The following ALK variants were observed in gnomAD, a reference collection of about 807,000 sequenced individuals.
ALK encodes the protein ALK tyrosine kinase receptor.
Under a neutral mutation model 163.1 loss-of-function variants are expected in ALK, and 74 were observed. The observed-to-expected ratio is 0.45, with a 90% confidence interval of 0.38 to 0.55. The LOEUF (loss-of-function observed/expected upper bound fraction) is 0.55, where lower values mean the gene tolerates loss of function less well. ALK is among the 20% of genes least tolerant of loss of function. The pLI is 0.00. For synonymous variants in ALK, 960 were observed against 843.2 expected (o/e 1.14, Z -2.40); for missense variants, 2,063 against 2,105.3 (o/e 0.98, Z 0.39).
At chr2:29,779,066 G>A (rs1373188679) in intron 1 of ALK, among the ~76,000 whole-genome samples, 4 of 152,170 alleles carry the variant, frequency 2.6e-5, no homozygotes, top group African/African-American at 9.6e-5. Flanking sequence ...TGAGGCAGGA[G>A]AATGGCAGGA....
intron 4 of ALK, among the ~76,000 whole-genome samples, chr2:29,487,808 C>G (rs1308371653): frequency 6.6e-6 from 1 of 152,094 alleles, no homozygotes; most frequent in Non-Finnish European, 1.5e-5. Context: ...GAGACAGAAC[C>G]AAGGCCATAG....
At chr2:29,395,878 C>G (rs186011356) in intron 4 of ALK, among the ~76,000 whole-genome samples, 1 of 152,350 alleles carries the variant, frequency 6.6e-6, no homozygotes, top group East Asian at 1.9e-4. Flanking sequence ...CATATTTCTA[C>G]ACAGCTATCT....
chr2:29,732,876 G>T (rs1295175738), intron 1 of ALK, among the ~76,000 whole-genome samples: 1 of 146,578 alleles, frequency 6.8e-6, no homozygotes, highest in African/African-American at 2.5e-5. Flanking sequence ...AACTTCTGTT[G>T]TTTTTAAGCT....
At chr2:29,797,415 T>C (rs1380118501) in intron 1 of ALK, among the ~76,000 whole-genome samples, 6 of 152,188 alleles carry the variant, frequency 3.9e-5, no homozygotes. Flanking sequence ...TGCACCCCAG[T>C]TATATTTGAT....
rs1172702963 is a variant in ALK, at chr2:29,705,240, AATAT to A, written c.788-10230_788-10227del. 4.5e-4 allele frequency among the ~76,000 whole-genome samples: 21 copies of A among 47,164 alleles called. 2 individuals carry two copies. In the East Asian group the frequency reaches 6.9e-3, roughly 16 times the overall value. 30.9% of individuals were successfully genotyped at this position (47,164 alleles called of 152,430 possible). ...CTCAACAAAAAAAGAAAAGAAAAGA[AATAT>A]ATATATATATATATATATATATATA... is the stretch of plus-strand genomic sequence containing the variant. On this transcript the variant is annotated intron_variant, in intron 2 of 28. Coordinates refer to ENST00000389048, the MANE Select transcript of ALK (RefSeq NM_004304.5).
intron 1 of ALK, among the ~76,000 whole-genome samples, chr2:29,830,438 G>A (rs192223796): frequency 2.0e-4 from 30 of 152,200 alleles, no homozygotes; most frequent in South Asian, 6.2e-4. Context: ...AAGTAGATAT[G>A]GAGCTTTCAA....
chr2:29,873,291 A>G (rs1487491391), intron 1 of ALK, among the ~76,000 whole-genome samples: 4 of 152,180 alleles, frequency 2.6e-5, no homozygotes, highest in African/African-American at 9.7e-5. Flanking sequence ...ACTCCCAAAT[A>G]CCATATCCAG....
At chr2:29,450,276 C>T (rs886418819) in intron 4 of ALK, among the ~76,000 whole-genome samples, 1 of 152,178 alleles carries the variant, frequency 6.6e-6, no homozygotes, top group African/African-American at 2.4e-5. Context: ...TCCACATAAA[C>T]ACTCTGAGAC....
chr2:29,635,527 CGAGAGCCTCTT>C (rs1217004762), intron 3 of ALK, among the ~76,000 whole-genome samples: 3 of 152,126 alleles, frequency 2.0e-5, no homozygotes, highest in Non-Finnish European at 2.9e-5. Context: ...GAATTCTCCC[CGAGAGCCTCTT>C]GAGGGAGAAT....
At chr2:29,680,121 G>A (rs1310457940) in intron 3 of ALK, among the ~76,000 whole-genome samples, 1 of 151,778 alleles carries the variant, frequency 6.6e-6, no homozygotes, top group Admixed American at 6.6e-5. Flanking sequence ...GATCTTTGGT[G>A]GCATTTAACA....
At position 29,535,896 on chromosome 2, in the gene ALK, A is replaced by C. The variant is rs1203280961; in HGVS notation, c.953-3780T>G. 2.0e-4 allele frequency among the ~76,000 whole-genome samples: 30 copies of C among 152,194 alleles called. 1 individual carries two copies. ...ACCTCTCTGAGGGTTATATACCAAC[A>C]GTTTTAATCGATTGGCCAAATACTC... On this transcript the variant is annotated intron_variant, in intron 3 of 28. Coordinates refer to ENST00000389048, the MANE Select transcript of ALK (RefSeq NM_004304.5).
At chr2:29,417,048 C>A (rs189858117) in intron 4 of ALK, among the ~76,000 whole-genome samples, 4 of 123,806 alleles carry the variant, frequency 3.2e-5, no homozygotes, top group Non-Finnish European at 6.2e-5. Context: ...AGTGCAGTGG[C>A]GGGATCTCAG....
At chr2:29,626,766 G>A (rs763904355) in intron 3 of ALK, among the ~76,000 whole-genome samples, 1 of 152,204 alleles carries the variant, frequency 6.6e-6, no homozygotes, top group Non-Finnish European at 1.5e-5. Context: ...AGAACTGTGA[G>A]AAATAAATGT....
At chr2:29,900,664 A>C (rs994229050) in intron 1 of ALK, among the ~76,000 whole-genome samples, 1 of 152,218 alleles carries the variant, frequency 6.6e-6, no homozygotes, top group African/African-American at 2.4e-5. Context: ...GGCCATCTAC[A>C]CGCCCTTGAC....
At chr2:29,276,331 G>T (rs1249079815) in intron 9 of ALK, among the ~76,000 whole-genome samples, 1 of 152,196 alleles carries the variant, frequency 6.6e-6, no homozygotes, top group Non-Finnish European at 1.5e-5. Context: ...TCCTTGGAGG[G>T]CCAGGTTCTC....
chr2:29,627,753 TGCA>T (rs1676238269), intron 3 of ALK, among the ~76,000 whole-genome samples: 1 of 152,248 alleles, frequency 6.6e-6, no homozygotes, highest in Non-Finnish European at 1.5e-5. Context: ...AGTAGATGCC[TGCA>T]TAATAAGTGT....
At chr2:29,638,816 C>T (rs1021448881) in intron 3 of ALK, among the ~76,000 whole-genome samples, 22 of 152,254 alleles carry the variant, frequency 1.4e-4, no homozygotes, top group Admixed American at 1.3e-3. Context: ...TGACAAATCT[C>T]TCTCCCTGAG....
At chr2:29,629,485 T>C (rs1676295387) in intron 3 of ALK, among the ~76,000 whole-genome samples, 1 of 152,178 alleles carries the variant, frequency 6.6e-6, no homozygotes, top group South Asian at 2.1e-4. Context: ...TACATACTGG[T>C]CAGAGTTTTC....
intron 4 of ALK, among the ~76,000 whole-genome samples, chr2:29,443,756 G>A (rs1323024114): frequency 2.6e-5 from 4 of 152,166 alleles, no homozygotes; most frequent in African/African-American, 9.7e-5. Context: ...GGCCCATTTA[G>A]TAGTGGTGAA....
Sources: gnomAD v4.1 joint callset for allele counts (sites outside exome capture counted in the v4.1 genomes callset) on GRCh38, gnomAD v4.1.1 for gene constraint, MANE v1.5 for transcripts, NCBI Gene and HGNC (gene_info 2026-07-23, HGNC 2026-07-21) for gene names.